The following FRMD4A variants were observed in gnomAD, a reference collection of about 807,000 sequenced individuals.
FRMD4A encodes FERM domain-containing protein 4A.
A neutral mutation model predicts 129.1 loss-of-function variants in FRMD4A; 29 were observed. That is an observed-to-expected ratio of 0.22 (90% CI 0.17 to 0.31). The LOEUF (loss-of-function observed/expected upper bound fraction) is 0.31, where lower values mean the gene tolerates loss of function less well. Ranked by LOEUF, FRMD4A falls within the 10% of genes least tolerant of loss-of-function variation. The probability of loss-of-function intolerance (pLI) is 1.00; values close to 1 mark genes in which losing one functional copy is unlikely to be tolerated. For synonymous variants in FRMD4A, 634 were observed against 571.6 expected (o/e 1.11, Z -1.56); for missense variants, 1,272 against 1,375.8 (o/e 0.92, Z 1.19).
chr10:13,911,078 A>G (rs1368207923), intron 2 of FRMD4A, among the ~76,000 whole-genome samples: 1 of 152,146 alleles, frequency 6.6e-6, no homozygotes, highest in Non-Finnish European at 1.5e-5. Flanking sequence ...TCATAGATGA[A>G]TTACTAGTTT....
At chr10:14,309,103 G>C (rs1013073349) in intron 2 of FRMD4A, among the ~76,000 whole-genome samples, 2 of 152,084 alleles carry the variant, frequency 1.3e-5, no homozygotes, top group African/African-American at 4.8e-5. Flanking sequence ...AGATGTTAGG[G>C]GACAGAGAAT....
intron 2 of FRMD4A, among the ~76,000 whole-genome samples, chr10:13,942,952 A>AAT (rs35793481): frequency 1.3e-5 from 2 of 152,096 alleles, no homozygotes; most frequent in Non-Finnish European, 2.9e-5. Context: ...CAAAAAAAAA[A>AAT]GACCTATGTC....
intron 2 of FRMD4A, among the ~76,000 whole-genome samples, chr10:14,269,057 A>AT (rs1196440783): frequency 2.6e-5 from 4 of 152,226 alleles, no homozygotes; most frequent in African/African-American, 9.6e-5. Context: ...CTTCTAGTTG[A>AT]TTACAAACAG....
chr10:13,652,681 C>G (rs74121363), intron 23 of FRMD4A, among the ~76,000 whole-genome samples: 7,279 of 152,170 alleles, frequency 0.048, 493 homozygotes, highest in African/African-American at 0.14. Flanking sequence ...ACAGGAACAC[C>G]GAGCTGGGGC....
At chr10:13,886,987 G>A (rs751497) in intron 2 of FRMD4A, among the ~76,000 whole-genome samples, 63,872 of 152,046 alleles carry the variant, frequency 0.42, 14,421 homozygotes, top group Non-Finnish European at 0.52. Flanking sequence ...AAAGGGTATG[G>A]ATGTACCAAT....
At chr10:14,126,169 CTTT>C (rs55649566) in intron 2 of FRMD4A, among the ~76,000 whole-genome samples, 4 of 122,374 alleles carry the variant, frequency 3.3e-5, no homozygotes, top group African/African-American at 9.3e-5. Context: ...ACCTTGCCCA[CTTT>C]TTTTTTTTTT....
Position 13,935,082 on chromosome 10 carries a change from C to A in FRMD4A, c.46-76170G>T, listed in dbSNP as rs118051388. On this transcript the variant is annotated intron_variant, in intron 2 of 24. Transcript: ENST00000357447. ...CCCGTTCATGAATTTTGGGGGGACACAAACATTTAGGCCATAAAACCATGA... is the reference window on the plus strand; with the variant it reads ...CCCGTTCATGAATTTTGGGGGGACAAAAACATTTAGGCCATAAAACCATGA... Among the ~76,000 whole-genome samples the A allele has an allele frequency of 2.2e-3, 333 of 152,138 alleles. 10 individuals carry two copies. The East Asian group carries it at 0.053, about 24-fold the overall frequency.
chr10:14,301,560 T>C (rs1252628016), intron 2 of FRMD4A, among the ~76,000 whole-genome samples: 1 of 152,266 alleles, frequency 6.6e-6, no homozygotes, highest in Non-Finnish European at 1.5e-5. Flanking sequence ...CATTCTCTTT[T>C]ATTCAATTGA....
At chr10:14,149,397 T>C (rs1057288253) in intron 2 of FRMD4A, among the ~76,000 whole-genome samples, 1 of 152,204 alleles carries the variant, frequency 6.6e-6, no homozygotes, top group African/African-American at 2.4e-5. Context: ...TGGAGTGCAG[T>C]GGCATGATCA....
chr10:13,908,675 C>T (rs1398699724), intron 2 of FRMD4A, among the ~76,000 whole-genome samples: 1 of 152,220 alleles, frequency 6.6e-6, no homozygotes, highest in East Asian at 1.9e-4. Context: ...CCTCTGCCTG[C>T]CAAGCTCCTC....
intron 2 of FRMD4A, among the ~76,000 whole-genome samples, chr10:14,319,367 T>TCTCTCTCTCTCTCTCTCACA (rs112041665): frequency 7.6e-5 from 11 of 145,050 alleles, no homozygotes; most frequent in African/African-American, 2.7e-4. Flanking sequence ...TCTCTCTCTC[T>TCTCTCTCTCTCTCTCTCACA]CACACACACA....
At chr10:13,886,640 G>C (rs2094625221) in intron 2 of FRMD4A, among the ~76,000 whole-genome samples, 1 of 152,034 alleles carries the variant, frequency 6.6e-6, no homozygotes, top group South Asian at 2.1e-4. Context: ...GAGCGCAATG[G>C]TGCAATCATA....
intron 3 of FRMD4A, among the ~76,000 whole-genome samples, chr10:13,824,894 C>CA (rs1165591899): frequency 0.071 from 3,820 of 54,026 alleles, 172 homozygotes; most frequent in East Asian, 0.16. Context: ...GACTCTGTCT[C>CA]AAAAAAAAAA....
intron 2 of FRMD4A, among the ~76,000 whole-genome samples, chr10:14,305,901 T>C (rs1255499855): frequency 6.6e-6 from 1 of 152,138 alleles, no homozygotes; most frequent in East Asian, 1.9e-4. Context: ...ATATTCTCAC[T>C]TATAAGTGGG....
rs188447415 is a variant in FRMD4A at position 13,744,308 on chromosome 10, C to T, written c.548+3428G>A. On this transcript the variant is annotated intron_variant, in intron 9 of 24. Transcript: ENST00000357447. ...TCCTGATCCCTCCTTGTTCTGTGGCCCTGGGCACATCATTCTAACTTTCTG... is the reference window on the plus strand; with the variant it reads ...TCCTGATCCCTCCTTGTTCTGTGGCTCTGGGCACATCATTCTAACTTTCTG... Among the ~76,000 whole-genome samples, 404 of 152,188 alleles carry T rather than the reference C, an allele frequency of 2.7e-3. 6 individuals carry two copies. Among genetic ancestry groups the T allele is most frequent in the Admixed American group, 0.025 (376 of 15,278 alleles).
chr10:14,082,007 G>A (rs1835955415), intron 2 of FRMD4A, among the ~76,000 whole-genome samples: 1 of 152,358 alleles, frequency 6.6e-6, no homozygotes, highest in South Asian at 2.1e-4. Flanking sequence ...CCAGCACTTT[G>A]GGAGGCTGAG....
At chr10:14,022,093 G>T (rs534746508) in intron 2 of FRMD4A, among the ~76,000 whole-genome samples, 12 of 152,302 alleles carry the variant, frequency 7.9e-5, no homozygotes, top group Admixed American at 3.3e-4. Context: ...GGTTACAAAG[G>T]TGTCCTTGCC....
At position 13,963,269 on chromosome 10, in the gene FRMD4A, CTTTT is replaced by C. The variant is rs142764391; in HGVS notation, c.46-104361_46-104358del. ...AATTGTTCTTCCTTGGTGCAAGCCT[CTTTT>C]TTTTTTTTTTTTTTTTTCAACCACA... On this transcript the variant is annotated intron_variant, in intron 2 of 24. Transcript: ENST00000357447. Among the ~76,000 whole-genome samples the C allele has an allele frequency of 9.6e-3, 1,123 of 116,784 alleles. 5 individuals are homozygous for C. Among genetic ancestry groups the C allele is most frequent in the African/African-American group, 0.017 (521 of 30,914 alleles). The allele number at this position is 116,784 out of a possible 152,430, so 76.6% of individuals were successfully genotyped here.
chr10:13,763,159 C>T (rs2130705394), intron 6 of FRMD4A, among the ~76,000 whole-genome samples: 1 of 152,314 alleles, frequency 6.6e-6, no homozygotes, highest in African/African-American at 2.4e-5. Context: ...GCCTACCCGA[C>T]TATCTCAAGG....
Sources: allele counts gnomAD v4.1 joint callset (sites outside exome capture counted in the v4.1 genomes callset), GRCh38; gene constraint gnomAD v4.1.1; transcripts MANE v1.5; gene names NCBI Gene and HGNC (gene_info 2026-07-23, HGNC 2026-07-21).